ARHGAP5: variants seen among roughly 807,000 people sequenced by gnomAD.
The protein encoded by ARHGAP5 is Rho GTPase activating protein 5, also known as rho GTPase-activating protein 5.
A neutral mutation model predicts 116.6 loss-of-function variants in ARHGAP5; 23 were observed. The observed-to-expected ratio is 0.20, with a 90% CI of 0.14 to 0.28. ARHGAP5 has a LOEUF of 0.28. Among genes scored for constraint, ARHGAP5 ranks in the 10% least tolerant of loss-of-function variants. The probability of loss-of-function intolerance (pLI) is 1.00; values close to 1 mark genes in which losing one functional copy is unlikely to be tolerated. For missense variants in ARHGAP5, 1,405 were observed against 1,774.8 expected (o/e 0.79, Z 3.74); for synonymous variants, 574 against 602.0 (o/e 0.95, Z 0.68).
At chr14:32,126,239 G>A (rs1457165249) in intron 3 of ARHGAP5, among the ~76,000 whole-genome samples, 1 of 151,670 alleles carries the variant, frequency 6.6e-6, no homozygotes. Flanking sequence ...TTGTTTGTTT[G>A]TTTTTTTGAG....
intron 3 of ARHGAP5, among the ~76,000 whole-genome samples, chr14:32,127,915 C>G (rs61994793): frequency 0.39 from 59,129 of 150,672 alleles, 12,977 homozygotes; most frequent in Middle Eastern, 0.6. Context: ...AGGCACTCCT[C>G]AGTTCCCAGA....
intron 2 of ARHGAP5, among the ~76,000 whole-genome samples, chr14:32,108,097 T>C (rs1034850111): frequency 1.3e-5 from 2 of 152,200 alleles, no homozygotes; most frequent in Admixed American, 6.5e-5. Context: ...AAGTTTCTTA[T>C]TCATTTGATA....
intron 1 of ARHGAP5, among the ~76,000 whole-genome samples, chr14:32,078,779 G>A (rs1028004090): frequency 6.6e-6 from 1 of 152,086 alleles, no homozygotes; most frequent in Non-Finnish European, 1.5e-5. Flanking sequence ...TAGATGCAGC[G>A]ATTAGACATT....
chr14:32,119,304 T>C (rs751438434), intron 3 of ARHGAP5, among the ~76,000 whole-genome samples: 9 of 152,130 alleles, frequency 5.9e-5, no homozygotes, highest in Non-Finnish European at 1.0e-4. Context: ...ATATTGCAGA[T>C]ACTCATTACT....
chr14:32,123,090 T>C lies in ARHGAP5; in HGVS notation c.3865+5803T>C, dbSNP rs140928723. On this transcript the variant is annotated intron_variant, in intron 3 of 6. Transcript: ENST00000345122. ...TCTTCTGAATGGGATGTATTCTCTT[T>C]TCTCCCTCAACCCCCAATACTTTAA... Among the ~76,000 whole-genome samples, 17 of 152,182 alleles carry C rather than the reference T, an allele frequency of 1.1e-4. No individual in the cohort carries two copies. In the East Asian group the frequency reaches 2.9e-3, roughly 26 times the overall value.
rs759522421 is a variant in ARHGAP5 at position 32,093,386 on chromosome 14, A to T, written c.2717A>T (p.His906Leu). ...AIKELMTEGEHIATEITAKFT... is the reference protein window; with the variant it reads ...AIKELMTEGELIATEITAKFT... ...AAAGAGTTAATGACTGAAGGAGAAC[A>T]CATTGCAACTGAGATCACTGCTAAA... is the stretch of plus-strand genomic sequence containing the variant. Residue 906 changes from histidine to leucine, a missense_variant, in exon 2 of 7, where the codon CAC (histidine) becomes CTC (leucine). His to Leu is a moderately conservative substitution (Grantham distance 99). This residue lies in a region of ARHGAP5 where 944 missense variants were observed against 1,095.3 expected (regional missense o/e 0.86). Transcript: ENST00000345122. The T allele has an allele frequency of 6.2e-7, 1 of 1,614,048 alleles. No individual in the cohort carries two copies. The highest frequency in any genetic ancestry group is 8.5e-7 in the Non-Finnish European group (1 of 1,179,936).
intron 3 of ARHGAP5, among the ~76,000 whole-genome samples, chr14:32,128,685 A>G (rs991350074): frequency 2.0e-5 from 3 of 152,206 alleles, no homozygotes; most frequent in Non-Finnish European, 2.9e-5. Flanking sequence ...TTTTTCTTAT[A>G]TTAAACCCCC....
chr14:32,111,118 C>G (rs146924456), intron 2 of ARHGAP5, among the ~76,000 whole-genome samples: 1 of 152,174 alleles, frequency 6.6e-6, no homozygotes, highest in South Asian at 2.1e-4. Context: ...AGAAGACAAT[C>G]AGAGCCTGGG....
intron 3 of ARHGAP5, among the ~76,000 whole-genome samples, chr14:32,126,587 G>T (rs1040548327): frequency 2.0e-5 from 3 of 152,062 alleles, no homozygotes; most frequent in African/African-American, 7.2e-5. Flanking sequence ...AAGGTATTGG[G>T]GGTTAAGACT....
At chr14:32,120,516 TC>T (rs1879830747) in intron 3 of ARHGAP5, among the ~76,000 whole-genome samples, 1 of 151,968 alleles carries the variant, frequency 6.6e-6, no homozygotes, top group African/African-American at 2.4e-5. Flanking sequence ...TATTTAATGG[TC>T]CAGATTTTCC....
At chr14:32,152,845 T>A (rs1054679155) in intron 6 of ARHGAP5, among the ~76,000 whole-genome samples, 2 of 152,150 alleles carry the variant, frequency 1.3e-5, no homozygotes, top group African/African-American at 4.8e-5. Flanking sequence ...GGGTTTGGTT[T>A]GAAAAATTAC....
At chr14:32,077,918 G>A (rs1308173768) in intron 1 of ARHGAP5, among the ~76,000 whole-genome samples, 3 of 152,176 alleles carry the variant, frequency 2.0e-5, no homozygotes, top group African/African-American at 7.2e-5. Context: ...AAACTTAAAC[G>A]CCTTGTAGGG....
chr14:32,153,887 CAAAAA>C (rs542531989), intron 6 of ARHGAP5: 1 of 96,554 alleles, frequency 1.0e-5, no homozygotes, highest in Non-Finnish European at 2.1e-5. Context: ...ACTTGATTCT[CAAAAA>C]AAAAAAGGAA....
intron 2 of ARHGAP5, among the ~76,000 whole-genome samples, chr14:32,116,319 G>A (rs958964529): frequency 1.5e-5 from 2 of 135,736 alleles, no homozygotes; most frequent in African/African-American, 5.6e-5. Context: ...GGCTGGGCGC[G>A]GTGGCTCACA....
chr14:32,137,914 G>A (rs1490566441), intron 3 of ARHGAP5, among the ~76,000 whole-genome samples: 1 of 150,776 alleles, frequency 6.6e-6, no homozygotes, highest in Non-Finnish European at 1.5e-5. Flanking sequence ...GGAGGTTGCA[G>A]TGAGCCAAGA....
intron 3 of ARHGAP5, among the ~76,000 whole-genome samples, chr14:32,142,074 A>G (rs1243710320): frequency 6.6e-6 from 1 of 152,014 alleles, no homozygotes; most frequent in Non-Finnish European, 1.5e-5. Context: ...GTACTTTTCA[A>G]TTGCAGAATT....
Position 32,155,139 on chromosome 14 carries a change from G to A in ARHGAP5, c.*191G>A. 2 of 573,900 alleles carry A rather than the reference G, an allele frequency of 3.5e-6. No individual in the cohort carries two copies. The highest frequency in any genetic ancestry group is 5.9e-6 in the Non-Finnish European group (2 of 336,260). The allele number at this position is 573,900 out of a possible 1,614,324, so 35.6% of individuals were successfully genotyped here. ...CTAAGACCATGTGATAAGCATGACT[G>A]GAGAGGTTTAATTTTTATAAACAAA... On this transcript the variant is annotated 3_prime_UTR_variant, in exon 7 of 7. Coordinates refer to ENST00000345122, the MANE Select transcript of ARHGAP5 (RefSeq NM_001030055.2).
At chr14:32,077,903 G>A (rs1246592485) in intron 1 of ARHGAP5, among the ~76,000 whole-genome samples, 4 of 152,186 alleles carry the variant, frequency 2.6e-5, no homozygotes, top group African/African-American at 9.7e-5. Flanking sequence ...CACAGTCTCG[G>A]TTGCAAACTT....
At chr14:32,128,028 C>T (rs1413057037) in intron 3 of ARHGAP5, among the ~76,000 whole-genome samples, 7 of 143,028 alleles carry the variant, frequency 4.9e-5, no homozygotes, top group East Asian at 4.4e-4. Context: ...CGGGTAGAGA[C>T]GCTCCTCACC....
Sources: allele counts gnomAD v4.1 joint callset (sites outside exome capture counted in the v4.1 genomes callset), GRCh38; gene constraint gnomAD v4.1.1; regional missense constraint gnomAD v4.1.1; transcripts MANE v1.5; gene names NCBI Gene and HGNC (gene_info 2026-07-23, HGNC 2026-07-21).